PIGN: variants seen among roughly 807,000 people sequenced by gnomAD.
The protein encoded by PIGN is phosphatidylinositol glycan anchor biosynthesis class N.
Under a neutral mutation model 125.4 loss-of-function variants are expected in PIGN, and 117 were observed. The observed-to-expected ratio is 0.93, with a 90% CI of 0.80 to 1.09. The LOEUF is 1.09. PIGN is among the 50% of genes least tolerant of loss of function. PIGN has a pLI of 0.00. For missense variants in PIGN, 1,075 were observed against 1,094.9 expected, an observed-to-expected ratio of 0.98 and a Z score of 0.26; for synonymous variants, 392 against 377.8, an observed-to-expected ratio of 1.04 and a Z score of -0.44.
At chr18:62,081,783 T>C (rs1383653800) in intron 28 of PIGN, among the ~76,000 whole-genome samples, 1 of 152,266 alleles carries the variant, frequency 6.6e-6, no homozygotes, top group East Asian at 1.9e-4. Flanking sequence ...ATAAATACTT[T>C]CAATATTAAA....
intron 28 of PIGN, among the ~76,000 whole-genome samples, chr18:62,079,132 CT>C (rs1382676703): frequency 2.6e-5 from 4 of 152,168 alleles, no homozygotes; most frequent in African/African-American, 9.7e-5. Flanking sequence ...AACTCATGCC[CT>C]TTGTATGTTT....
At chr18:62,178,272 C>G (rs528406778) in intron 1 of PIGN, among the ~76,000 whole-genome samples, 1 of 151,978 alleles carries the variant, frequency 6.6e-6, no homozygotes, top group East Asian at 1.9e-4. Context: ...CTTCATTATG[C>G]AGTCTCCTGG....
chr18:62,126,109 A>G (rs1441142523), intron 14 of PIGN, among the ~76,000 whole-genome samples: 3 of 152,124 alleles, frequency 2.0e-5, no homozygotes, highest in Non-Finnish European at 4.4e-5. Flanking sequence ...TTTTTGGCCA[A>G]GCAATTTCTC....
At chr18:62,169,907 G>A (rs1451995758) in intron 1 of PIGN, among the ~76,000 whole-genome samples, 1 of 152,196 alleles carries the variant, frequency 6.6e-6, no homozygotes, top group Non-Finnish European at 1.5e-5. Flanking sequence ...ACAGGTGTAA[G>A]CCACTGTGCC....
chr18:62,052,184 T>C (rs927001700), intron 30 of PIGN: 1 of 151,624 alleles, frequency 6.6e-6, no homozygotes, highest in African/African-American at 2.4e-5. Context: ...TTCTGTTGAT[T>C]TGGGGTGGAG....
At chr18:62,038,315 T>TTTC (rs1405978753), downstream of PIGN, among the ~76,000 whole-genome samples, 1 of 146,058 alleles carries the variant, frequency 6.8e-6, no homozygotes, top group East Asian at 2.3e-4. Flanking sequence ...CGTGTTTTTT[T>TTTC]TTTTTTTTTT....
chr18:62,177,150 G>T (rs947418402), intron 1 of PIGN, among the ~76,000 whole-genome samples: 3 of 152,066 alleles, frequency 2.0e-5, no homozygotes, highest in Admixed American at 2.0e-4. Flanking sequence ...ATATTAAAAA[G>T]CTTATGAATT....
intron 30 of PIGN, among the ~76,000 whole-genome samples, chr18:62,055,173 G>T (rs2031627107): frequency 6.6e-6 from 1 of 152,174 alleles, no homozygotes; most frequent in Admixed American, 6.5e-5. Flanking sequence ...GAGCATGCAT[G>T]CCAGAGGGAA....
rs370553142 is a variant in PIGN, at chr18:62,161,141, C to T, written c.213G>A (p.Pro71=). 6.9e-4 allele frequency: 1,114 copies of T among 1,604,600 alleles called. 25 individuals carry two copies. The South Asian group carries it at 0.01, about 15-fold the overall frequency. Residue 71 remains proline (P), a synonymous_variant, in exon 4 of 31, where the codon CCG becomes CCA. Transcript: ENST00000640252. Reference sequence around the variant, plus strand: ...TCAGTTTACATGCTTACCTAATAAACGGTGCTCTAGAGTTTCCATTTTCAT... The same window carrying T: ...TCAGTTTACATGCTTACCTAATAAATGGTGCTCTAGAGTTTCCATTTTCAT... The part of the protein sequence containing the change: ...ELDENGNSRA[P]FIRNIIMHEG...
intron 25 of PIGN, among the ~76,000 whole-genome samples, chr18:62,087,755 G>C (rs990103651): frequency 6.6e-6 from 1 of 152,178 alleles, no homozygotes; most frequent in Non-Finnish European, 1.5e-5. Flanking sequence ...CCATGTATCT[G>C]ATAAGGGTTA....
chr18:62,099,453 A>T (rs2034348261), intron 22 of PIGN, among the ~76,000 whole-genome samples: 1 of 152,096 alleles, frequency 6.6e-6, no homozygotes, highest in African/African-American at 2.4e-5. Context: ...AAATCCTAAA[A>T]TTCATGTGGG....
intron 30 of PIGN, among the ~76,000 whole-genome samples, chr18:62,053,484 C>T (rs1469798913): frequency 6.6e-6 from 1 of 151,992 alleles, no homozygotes; most frequent in African/African-American, 2.4e-5. Context: ...CTAAATACAC[C>T]AACTGAAAAA....
intron 25 of PIGN, 70 bp from the exon 26 acceptor site, chr18:62,085,334 T>C (rs1463459304): frequency 5.9e-6 from 6 of 1,018,670 alleles, no homozygotes; most frequent in Non-Finnish European, 8.9e-6. Context: ...TTAGAAAAGA[T>C]ATGCTAATTT....
In PIGN at chr18:62,109,724, A is replaced by G. The variant is rs1270469583; in HGVS notation, c.1574+110T>C. 5.9e-6 allele frequency: 5 copies of G among 851,298 alleles called. No individual in the cohort carries two copies. The African/African-American group carries it at 8.5e-5, about 14-fold the overall frequency. 52.7% of individuals were successfully genotyped at this position (851,298 alleles called of 1,614,324 possible). A position where few individuals can be genotyped will look rare whatever the true frequency, so the allele number is the denominator to read the frequency against. ...AGAGGGACTGGAGGTTTGAAAGTAC[A>G]GTATTATAAATATATTTGATGACTT... On this transcript the variant is annotated intron_variant, in intron 17 of 30. Coordinates refer to ENST00000640252, the MANE Select transcript of PIGN (RefSeq NM_176787.5).
intron 27 of PIGN, among the ~76,000 whole-genome samples, 185 bp downstream of exon 27, chr18:62,084,346 A>C (rs188459191): frequency 1.2e-4 from 18 of 152,332 alleles, no homozygotes; most frequent in Non-Finnish European, 2.1e-4. Flanking sequence ...AGTCAAATGC[A>C]CTTATGAGTA....
intron 28 of PIGN, among the ~76,000 whole-genome samples, chr18:62,078,453 T>C (rs1017322087): frequency 6.6e-6 from 1 of 152,224 alleles, no homozygotes; most frequent in Non-Finnish European, 1.5e-5. Flanking sequence ...CCCCACAGCC[T>C]GTGCTCCTAA....
At chr18:62,182,078 C>T (rs533804407) in intron 1 of PIGN, among the ~76,000 whole-genome samples, 1 of 152,246 alleles carries the variant, frequency 6.6e-6, no homozygotes, top group East Asian at 1.9e-4. Flanking sequence ...AACATTACTG[C>T]TTTCATTTTT....
chr18:62,116,836 A>T (rs2035104530), intron 14 of PIGN, among the ~76,000 whole-genome samples: 1 of 152,138 alleles, frequency 6.6e-6, no homozygotes, highest in Non-Finnish European at 1.5e-5. Context: ...TTTGTAATGT[A>T]CCTAAAATTT....
At chr18:62,026,348 C>T (rs1200075065) in intron 23 of PIGN, among the ~76,000 whole-genome samples, 1 of 151,984 alleles carries the variant, frequency 6.6e-6, no homozygotes, top group African/African-American at 2.4e-5. Flanking sequence ...AACGGAGCAA[C>T]CAATTTGAAC....
Sources: gnomAD v4.1 joint callset for allele counts (sites outside exome capture counted in the v4.1 genomes callset) on GRCh38, gnomAD v4.1.1 for gene constraint, MANE v1.5 for transcripts, NCBI Gene and HGNC (gene_info 2026-07-23, HGNC 2026-07-21) for gene names.